Variants in NAALADL2 observed in about 807,000 individuals in gnomAD.
The protein encoded by NAALADL2 is inactive N-acetylated-alpha-linked acidic dipeptidase-like protein 2.
In NAALADL2, 76 loss-of-function variants were observed where a neutral mutation model predicts 87.2. The ratio of observed to expected loss-of-function variants is 0.87; its 90% CI spans 0.72 to 1.05. The LOEUF (loss-of-function observed/expected upper bound fraction) is 1.05. Ranked by LOEUF, NAALADL2 falls within the 50% of genes least tolerant of loss-of-function variation. The probability of loss-of-function intolerance (pLI) is 0.00; values close to 1 mark genes in which losing one functional copy is unlikely to be tolerated. For synonymous variants in NAALADL2, 354 were observed against 331.0 expected (o/e 1.07, Z -0.75); for missense variants, 1,089 against 945.8 (o/e 1.15, Z -1.99).
intron 9 of NAALADL2, among the ~76,000 whole-genome samples, chr3:175,564,570 T>C (rs538272371): frequency 1.3e-5 from 2 of 152,220 alleles, no homozygotes; most frequent in African/African-American, 4.8e-5. Flanking sequence ...AAGATAAACC[T>C]CAAGAAGGCT....
At chr3:174,598,517 C>T (rs911500140) in intron 2 of NAALADL2, among the ~76,000 whole-genome samples, 2 of 152,058 alleles carry the variant, frequency 1.3e-5, no homozygotes, top group African/African-American at 4.8e-5. Flanking sequence ...GTATCAGACA[C>T]TTATTATTAA....
chr3:175,255,371 G>C (rs1399767490), intron 3 of NAALADL2, among the ~76,000 whole-genome samples: 2 of 152,106 alleles, frequency 1.3e-5, no homozygotes, highest in African/African-American at 4.8e-5. Context: ...TATGAAACTT[G>C]TTGAAGTGCA....
In NAALADL2 at chr3:175,047,078, G is replaced by C. The variant is rs531117400; in HGVS notation, c.44-49712G>C. On this transcript the variant is annotated intron_variant, in intron 1 of 13. Transcript: ENST00000454872. ...GAACTCTACAGAGTCTCTTTTATAA[G>C]AGCACGAATCCCATTCACAATGGCT... 2.0e-5 allele frequency among the ~76,000 whole-genome samples: 3 copies of C among 152,250 alleles called. No homozygotes were observed. The South Asian group carries it at 6.2e-4, about 32-fold the overall frequency.
rs182395803 is a variant in NAALADL2 at position 175,206,576 on chromosome 3, C to T, written c.546-27355C>T. Among the ~76,000 whole-genome samples, 192 of 151,120 alleles carry T rather than the reference C, an allele frequency of 1.3e-3. 2 individuals are homozygous for T. The highest frequency in any genetic ancestry group is 2.3e-3 in the South Asian group (11 of 4,786). ...TTGGTGGGGAAGAGTGGGAGGGGGG[C>T]GAAGGATAAAGACTACAAATACAGT... On this transcript the variant is annotated intron_variant, in intron 2 of 13. Transcript: ENST00000454872.
intron 2 of NAALADL2, among the ~76,000 whole-genome samples, chr3:174,669,218 C>G (rs897081129): frequency 6.6e-6 from 1 of 151,806 alleles, no homozygotes; most frequent in Non-Finnish European, 1.5e-5. Flanking sequence ...TAAATGTCTT[C>G]TTTTGAGAAG....
chr3:174,882,741 GTATATACACACGTGTA>G (rs1480013102), intron 1 of NAALADL2, among the ~76,000 whole-genome samples: 3,018 of 142,610 alleles, frequency 0.021, 51 homozygotes, highest in Non-Finnish European at 0.031. Context: ...GTATCTATGT[GTATATACACACGTGTA>G]TATATACACA....
chr3:175,277,107 C>G (rs1448933922), intron 4 of NAALADL2, among the ~76,000 whole-genome samples: 4 of 152,066 alleles, frequency 2.6e-5, no homozygotes, highest in South Asian at 2.1e-4. Flanking sequence ...TCAGGGTTTA[C>G]TTTTTGTATG....
At chr3:174,852,537 T>C (rs957022699) in intron 3 of NAALADL2, among the ~76,000 whole-genome samples, 2 of 151,976 alleles carry the variant, frequency 1.3e-5, no homozygotes, top group African/African-American at 4.8e-5. Flanking sequence ...TAAAAAACTA[T>C]AAAACATTGA....
intron 11 of NAALADL2, among the ~76,000 whole-genome samples, chr3:175,716,807 A>G (rs889516942): frequency 2.6e-5 from 4 of 152,170 alleles, no homozygotes; most frequent in Admixed American, 1.3e-4. Context: ...GGCTGTATAT[A>G]AAGAATGTTT....
intron 4 of NAALADL2, among the ~76,000 whole-genome samples, chr3:175,323,823 C>A (rs757834515): frequency 6.6e-6 from 1 of 150,636 alleles, no homozygotes; most frequent in Non-Finnish European, 1.5e-5. Flanking sequence ...CGAGACCATC[C>A]TGGCTGACAC....
At chr3:175,199,186 C>G (rs1215344396) in intron 2 of NAALADL2, among the ~76,000 whole-genome samples, 2 of 152,104 alleles carry the variant, frequency 1.3e-5, no homozygotes, top group Non-Finnish European at 2.9e-5. Context: ...TCCAAGGCCT[C>G]TTTTGAATGA....
chr3:174,843,192 A>G (rs563827042), intron 3 of NAALADL2, among the ~76,000 whole-genome samples: 1 of 152,300 alleles, frequency 6.6e-6, no homozygotes, highest in African/African-American at 2.4e-5. Flanking sequence ...ACAATAGAGC[A>G]TCAGAACTTA....
intron 3 of NAALADL2, among the ~76,000 whole-genome samples, chr3:174,811,220 G>A (rs1356680655): frequency 1.3e-5 from 2 of 152,160 alleles, no homozygotes; most frequent in East Asian, 3.9e-4. Context: ...GCATTGCCTA[G>A]TGGAGCTGTA....
chr3:174,611,215 A>C (rs1375294368), intron 2 of NAALADL2, among the ~76,000 whole-genome samples: 1 of 151,980 alleles, frequency 6.6e-6, no homozygotes, highest in Non-Finnish European at 1.5e-5. Flanking sequence ...ACCTAATGGT[A>C]AATGATGAGT....
intron 1 of NAALADL2, among the ~76,000 whole-genome samples, chr3:174,492,757 A>C (rs1317718811): frequency 1.3e-5 from 2 of 152,230 alleles, no homozygotes; most frequent in Non-Finnish European, 2.9e-5. Flanking sequence ...CATTACTAAG[A>C]CAAAATAAGA....
chr3:175,130,638 A>C (rs888203930), intron 2 of NAALADL2, among the ~76,000 whole-genome samples: 2 of 152,182 alleles, frequency 1.3e-5, no homozygotes, highest in African/African-American at 4.8e-5. Context: ...ACCCTTATCA[A>C]ATTAGTTGAA....
At chr3:175,755,635 G>A (rs1747170253) in intron 13 of NAALADL2, among the ~76,000 whole-genome samples, 1 of 151,890 alleles carries the variant, frequency 6.6e-6, no homozygotes, top group African/African-American at 2.4e-5. Context: ...GAAAAAATGA[G>A]TAAGAAGTTT....
At chr3:175,687,954 C>T (rs895843750) in intron 11 of NAALADL2, among the ~76,000 whole-genome samples, 2 of 152,030 alleles carry the variant, frequency 1.3e-5, no homozygotes, top group South Asian at 4.1e-4. Flanking sequence ...CTTGTACACC[C>T]TGCAGAATTG....
At chr3:174,471,177 ATAATTG>A (rs1480726756) in intron 1 of NAALADL2, among the ~76,000 whole-genome samples, 5 of 151,878 alleles carry the variant, frequency 3.3e-5, no homozygotes, top group Admixed American at 2.0e-4. Context: ...ATTGACTTTT[ATAATTG>A]TAACTTAAGG....
Sources: gnomAD v4.1 joint callset for allele counts (sites outside exome capture counted in the v4.1 genomes callset) on GRCh38, gnomAD v4.1.1 for gene constraint, MANE v1.5 for transcripts, NCBI Gene and HGNC (gene_info 2026-07-23, HGNC 2026-07-21) for gene names.